Variants in NPNT observed in about 807,000 individuals in gnomAD.
The protein encoded by NPNT is nephronectin.
Under a neutral mutation model 68.6 loss-of-function variants are expected in NPNT, and 45 were observed. That is an observed-to-expected ratio of 0.66 (90% confidence interval 0.52 to 0.84). The LOEUF (loss-of-function observed/expected upper bound fraction) is 0.84, where lower values mean the gene tolerates loss of function less well. Ranked by LOEUF, NPNT falls within the 40% of genes least tolerant of loss-of-function variation. The pLI is 0.00. For missense variants in NPNT, 672 were observed against 714.8 expected, an observed-to-expected ratio of 0.94 and a Z score of 0.68; for synonymous variants, 233 against 253.3, an observed-to-expected ratio of 0.92 and a Z score of 0.76.
intron 8 of NPNT, among the ~76,000 whole-genome samples, chr4:105,948,699 C>T (rs1297989911): frequency 6.6e-6 from 1 of 152,114 alleles, no homozygotes. Context: ...CAGGCTGCTG[C>T]AGCTTCAATC....
chr4:105,951,074 C>T (rs148812419), intron 8 of NPNT, among the ~76,000 whole-genome samples: 247 of 152,278 alleles, frequency 1.6e-3, no homozygotes, highest in Middle Eastern at 3.4e-3. Context: ...GATAGCAGGG[C>T]TCTTTCTAAA....
At chr4:105,920,095 T>C (rs1050565027) in intron 2 of NPNT, among the ~76,000 whole-genome samples, 11 of 152,064 alleles carry the variant, frequency 7.2e-5, no homozygotes, top group African/African-American at 2.7e-4. Flanking sequence ...AATCACTTCG[T>C]AACCATAGAT....
intron 3 of NPNT, among the ~76,000 whole-genome samples, chr4:105,931,517 G>A (rs1019929904): frequency 3.3e-5 from 5 of 151,920 alleles, no homozygotes; most frequent in African/African-American, 4.8e-5. Context: ...ACCTACAGCC[G>A]TAGGTTTTGA....
At chr4:105,916,461 A>G (rs191623370) in intron 2 of NPNT, among the ~76,000 whole-genome samples, 1 of 152,062 alleles carries the variant, frequency 6.6e-6, no homozygotes, top group Admixed American at 6.5e-5. Context: ...AGCTCAAGCA[A>G]TCCACGCACC....
intron 2 of NPNT, among the ~76,000 whole-genome samples, chr4:105,923,315 GTT>G (rs11431753): frequency 6.7e-6 from 1 of 149,290 alleles, no homozygotes; most frequent in African/African-American, 2.5e-5. Flanking sequence ...TAGAAATAAA[GTT>G]TTTTTTTTAC....
Position 105,967,229 on chromosome 4 carries a change from GGAAAAGCTGCAC to G in NPNT, c.1389_1400del (p.Lys464_Arg467del). 6.2e-7 allele frequency: 1 copy of G among 1,613,976 alleles called. No individual in the cohort carries two copies. The highest frequency in any genetic ancestry group is 8.5e-7 in the Non-Finnish European group (1 of 1,179,998). On this transcript the variant is annotated inframe_deletion, in exon 11 of 12. Coordinates refer to ENST00000379987, the MANE Select transcript of NPNT (RefSeq NM_001033047.3). ...AGTGTCGGCAGCCAAAGCCCCAGGG[GGAAAAGCTGCAC>G]GCTTGGTGCTACCTCTCGGCCGCCT...
chr4:105,906,510 G>C (rs1359645375), intron 2 of NPNT, among the ~76,000 whole-genome samples: 3 of 152,208 alleles, frequency 2.0e-5, no homozygotes, highest in African/African-American at 7.2e-5. Context: ...CGTTCAGCTA[G>C]ATACAGCCCA....
At chr4:105,955,407 G>A (rs866319268) in intron 8 of NPNT, among the ~76,000 whole-genome samples, 5 of 152,036 alleles carry the variant, frequency 3.3e-5, no homozygotes, top group African/African-American at 9.7e-5. Flanking sequence ...ATAGCCTTGC[G>A]TTCAACAAGT....
chr4:105,914,478 T>TAGAGAG (rs1292663255), intron 2 of NPNT, among the ~76,000 whole-genome samples: 4 of 138,768 alleles, frequency 2.9e-5, no homozygotes, highest in African/African-American at 8.0e-5. Flanking sequence ...ATATTATATA[T>TAGAGAG]ATAGAGAGAG....
chr4:105,926,260 TG>T (rs1288967268), intron 2 of NPNT, among the ~76,000 whole-genome samples: 1 of 152,120 alleles, frequency 6.6e-6, no homozygotes, highest in Admixed American at 6.6e-5. Context: ...ATAAGAAACG[TG>T]GTTTTGTATT....
chr4:105,903,099 T>C (rs1488536289), intron 2 of NPNT, among the ~76,000 whole-genome samples: 2 of 152,210 alleles, frequency 1.3e-5, no homozygotes, highest in African/African-American at 4.8e-5. Flanking sequence ...TGCCCACGCA[T>C]GTACACACTG....
rs997164152 is a variant in NPNT, at chr4:105,968,927, C to T, written c.1635C>T (p.His545=). The change falls in exon 12 of 12, where the codon CAC becomes CAT. Residue 545 remains histidine (H), a synonymous_variant. Coordinates refer to ENST00000379987, the MANE Select transcript of NPNT (RefSeq NM_001033047.3). ...TCAAAGGTGAAAAAAGGCGTGGTCA[C>T]ACTGGGGAGATTGGATTAGATGATG... ...VVFKGEKRRG[H]TGEIGLDDVS... The T allele has an allele frequency of 6.2e-7, 1 of 1,613,240 alleles. No homozygotes were observed. Among genetic ancestry groups the T allele is most frequent in the Non-Finnish European group, 8.5e-7 (1 of 1,179,284 alleles).
chr4:105,917,105 T>C (rs1018613640), intron 2 of NPNT, among the ~76,000 whole-genome samples: 13 of 152,228 alleles, frequency 8.5e-5, no homozygotes, highest in African/African-American at 3.1e-4. Flanking sequence ...TACAGTCCAT[T>C]GGCTGTTCAC....
At chr4:105,962,263 C>G (rs979537003) in intron 10 of NPNT, among the ~76,000 whole-genome samples, 1 of 152,088 alleles carries the variant, frequency 6.6e-6, no homozygotes, top group African/African-American at 2.4e-5. Context: ...AAGAGGATGA[C>G]CTGCATGGAA....
At chr4:105,956,886 G>A (rs4643812) in intron 8 of NPNT, among the ~76,000 whole-genome samples, 13,712 of 152,100 alleles carry the variant, frequency 0.09, 787 homozygotes, top group African/African-American at 0.16. Context: ...GAGGGGAAGG[G>A]ACTTCACTGT....
At chr4:105,908,693 A>G (rs1727116023) in intron 2 of NPNT, among the ~76,000 whole-genome samples, 1 of 151,796 alleles carries the variant, frequency 6.6e-6, no homozygotes, top group Admixed American at 6.6e-5. Context: ...CCTCCCGAGT[A>G]GCTAGGACTA....
intron 1 of NPNT, chr4:105,895,971 C>A (rs931102083): frequency 3.6e-6 from 2 of 548,422 alleles, no homozygotes; most frequent in Non-Finnish European, 6.5e-6. Context: ...CTCGCCCCGG[C>A]TCGGGAATTA....
At chr4:105,939,326 G>C (rs2149371805) in intron 5 of NPNT, among the ~76,000 whole-genome samples, 1 of 152,300 alleles carries the variant, frequency 6.6e-6, no homozygotes, top group South Asian at 2.1e-4. Context: ...ACATTGCAGG[G>C]CACTGCGGTG....
intron 8 of NPNT, among the ~76,000 whole-genome samples, chr4:105,956,412 G>A (rs1345365431): frequency 3.3e-5 from 5 of 151,800 alleles, no homozygotes; most frequent in East Asian, 1.9e-4. Context: ...ACAGGCTCCC[G>A]GTGCCAGGAA....
Sources: gnomAD v4.1 joint callset for allele counts (sites outside exome capture counted in the v4.1 genomes callset) on GRCh38, gnomAD v4.1.1 for gene constraint, MANE v1.5 for transcripts, NCBI Gene and HGNC (gene_info 2026-07-23, HGNC 2026-07-21) for gene names.